C6orf89: variants seen among roughly 807,000 people sequenced by gnomAD.
C6orf89 encodes the protein bombesin receptor-activated protein C6orf89.
Under a neutral mutation model 40.7 loss-of-function variants are expected in C6orf89, and 29 were observed. That is an observed-to-expected ratio of 0.71 (90% CI 0.53 to 0.97). The LOEUF is 0.97. Ranked by LOEUF, C6orf89 falls within the 50% of genes least tolerant of loss-of-function variation. C6orf89 has a pLI of 0.00. For missense variants in C6orf89, 392 were observed against 429.1 expected, an observed-to-expected ratio of 0.91 and a Z score of 0.76; for synonymous variants, 165 against 152.2, an observed-to-expected ratio of 1.08 and a Z score of -0.62.
chr6:36,914,396 C>A lies in C6orf89; in HGVS notation c.516C>A (p.Ala172=), dbSNP rs772984555. 22 of 1,614,056 alleles carry A rather than the reference C, an allele frequency of 1.4e-5. No individual in the cohort carries two copies. The highest frequency in any genetic ancestry group is 1.7e-5 in the Non-Finnish European group (20 of 1,180,042). Residue 172 remains alanine, a synonymous_variant, in exon 5 of 9, where the codon GCC becomes GCA. Transcript: ENST00000480824. The stretch of plus-strand genomic sequence containing the variant: ...TGAAGGTGATGCTCCTGGAAGACGC[C>A]CCAAGGAAATTTGAGAGGCTCCATC... ...KHLKVMLLED[A]PRKFERLHPL... is the part of the protein sequence containing the mutation.
chr6:36,894,679 T>C (rs1761356596), intron 2 of C6orf89, 76 bp downstream of exon 2: 2 of 372,760 alleles, frequency 5.4e-6, no homozygotes, highest in Admixed American at 1.3e-4. Flanking sequence ...GAAACCTTTC[T>C]GAGCCTTGAA....
At chr6:36,885,146 A>T (rs569317625), upstream of C6orf89, among the ~76,000 whole-genome samples, 2 of 152,244 alleles carry the variant, frequency 1.3e-5, no homozygotes, top group Non-Finnish European at 2.9e-5. Context: ...AACATAGCTT[A>T]ATAGTCAAAC....
intron 4 of C6orf89, among the ~76,000 whole-genome samples, chr6:36,908,025 G>A (rs952284400): frequency 3.9e-5 from 6 of 152,170 alleles, no homozygotes; most frequent in Non-Finnish European, 5.9e-5. Flanking sequence ...ATCTCTTTCT[G>A]TTGTCAGGGA....
intron 4 of C6orf89, among the ~76,000 whole-genome samples, chr6:36,903,328 A>AAT (rs1254955120): frequency 1.3e-5 from 2 of 152,200 alleles, no homozygotes; most frequent in Admixed American, 1.3e-4. Context: ...AATGTAGAAT[A>AAT]ATATGTGTAT....
rs890096644 is a variant in C6orf89 at position 36,923,683 on chromosome 6, A to G, written c.*242A>G. 41 of 514,894 alleles carry G rather than the reference A, an allele frequency of 8.0e-5. No individual in the cohort carries two copies. In the Middle Eastern group the frequency reaches 1.3e-3, roughly 16 times the overall value. The allele number at this position is 514,894 out of a possible 1,614,324, so 31.9% of individuals were successfully genotyped here. The stretch of plus-strand genomic sequence containing the variant: ...GCCACTTGGCTAGGACTCTGCCAGC[A>G]CCCATCTGAGACTGACCTCTTCCGG... On this transcript the variant is annotated 3_prime_UTR_variant, in exon 9 of 9. Transcript: ENST00000480824.
At chr6:36,906,568 A>G (rs1156585570) in intron 4 of C6orf89, among the ~76,000 whole-genome samples, 1 of 152,124 alleles carries the variant, frequency 6.6e-6, no homozygotes, top group Admixed American at 6.5e-5. Flanking sequence ...ACAAGTGAGA[A>G]CTCATGAAAA....
At chr6:36,883,843 G>A (rs574718746), upstream of C6orf89, among the ~76,000 whole-genome samples, 13 of 152,272 alleles carry the variant, frequency 8.5e-5, no homozygotes, top group African/African-American at 2.6e-4. Flanking sequence ...AAAGGCTATC[G>A]TTACACAACA....
chr6:36,913,348 G>A (rs962413884), intron 4 of C6orf89, among the ~76,000 whole-genome samples: 2 of 152,200 alleles, frequency 1.3e-5, no homozygotes, highest in Non-Finnish European at 2.9e-5. Flanking sequence ...ATAGAGGGCT[G>A]TCTTATGGAC....
rs375178910 is a variant in C6orf89, at chr6:36,914,595, G to A, written c.597G>A (p.Leu199=). 9.9e-6 allele frequency: 16 copies of A among 1,614,100 alleles called. No homozygotes were observed. The East Asian group carries it at 3.1e-4, about 31-fold the overall frequency. The change falls in exon 6 of 9, where the codon TTG becomes TTA. Residue 199 remains leucine (L), a synonymous_variant. Coordinates refer to ENST00000480824, the MANE Select transcript of C6orf89 (RefSeq NM_001286635.2). ...PLLEEEIQHF[L]CQYPEATEGF... ...TGGAGGAAGAGATTCAGCATTTTTT[G>A]TGCCAGTACCCTGAGGCGACAGAAG...
At chr6:36,874,317 C>T (rs1774587775) in intron 1 of C6orf89, among the ~76,000 whole-genome samples, 1 of 152,222 alleles carries the variant, frequency 6.6e-6, no homozygotes, top group African/African-American at 2.4e-5. Context: ...TTACTTATCA[C>T]GTAATGTTTA....
At chr6:36,897,640 C>T (rs1249601654) in intron 2 of C6orf89, among the ~76,000 whole-genome samples, 1 of 152,186 alleles carries the variant, frequency 6.6e-6, no homozygotes. Flanking sequence ...AGTTGATGCC[C>T]AGGTATGAGC....
chr6:36,886,935 A>C (rs1161418670), intron 1 of C6orf89, among the ~76,000 whole-genome samples: 1 of 152,202 alleles, frequency 6.6e-6, no homozygotes, highest in African/African-American at 2.4e-5. Context: ...CAACTTGCAT[A>C]CCAGAAAGAG....
chr6:36,893,237 A>AT lies in C6orf89; in HGVS notation c.-119-1254dup, dbSNP rs560760532. The stretch of plus-strand genomic sequence containing the variant: ...GCGTGAGCCACCGCGCCCGGCCTTG[A>AT]TTTTTTTTTTTTTAAGGGATGAGTT... On this transcript the variant is annotated intron_variant, in intron 1 of 8. Coordinates refer to ENST00000480824, the MANE Select transcript of C6orf89 (RefSeq NM_001286635.2). Among the ~76,000 whole-genome samples, 125 of 144,612 alleles carry AT rather than the reference A, an allele frequency of 8.6e-4. 1 individual carries two copies. Among genetic ancestry groups the AT allele is most frequent in the Admixed American group, 2.6e-3 (37 of 14,470 alleles). The allele number at this position is 144,612 out of a possible 152,430, so 94.9% of individuals were successfully genotyped here.
Position 36,923,601 on chromosome 6 carries a change from G to T in C6orf89, c.*160G>T. The T allele has an allele frequency of 1.4e-6, 1 of 690,434 alleles. No individual in the cohort carries two copies. Among genetic ancestry groups the T allele is most frequent in the South Asian group, 1.5e-5 (1 of 66,100 alleles). The allele number at this position is 690,434 out of a possible 1,614,324, so 42.8% of individuals were successfully genotyped here. A position where few individuals can be genotyped will look rare whatever the true frequency, so the allele number is the denominator to read the frequency against. On this transcript the variant is annotated 3_prime_UTR_variant, in exon 9 of 9. Transcript: ENST00000480824. ...ACCAGCTGTGAGCTGCAAGGCAGTG[G>T]CCAGAGCCTCGCCCTCCTGACTCTT...
At chr6:36,921,282 A>G (rs908285624) in intron 8 of C6orf89, among the ~76,000 whole-genome samples, 2 of 152,172 alleles carry the variant, frequency 1.3e-5, no homozygotes, top group Non-Finnish European at 2.9e-5. Context: ...AATAGACATG[A>G]TGGCTGTCAC....
chr6:36,874,908 G>A (rs1774610245), intron 1 of C6orf89: 6 of 960,456 alleles, frequency 6.2e-6, no homozygotes, highest in Non-Finnish European at 8.0e-6. Context: ...AGACAAGGAA[G>A]AGGACGGTCC....
intron 2 of C6orf89, among the ~76,000 whole-genome samples, chr6:36,880,443 G>A (rs550336434): frequency 6.6e-6 from 1 of 152,166 alleles, no homozygotes; most frequent in Non-Finnish European, 1.5e-5. Flanking sequence ...TATGTATTGT[G>A]TGTAATGTTT....
chr6:36,897,939 A>G (rs1248865149), intron 2 of C6orf89, among the ~76,000 whole-genome samples: 1 of 152,200 alleles, frequency 6.6e-6, no homozygotes, highest in East Asian at 1.9e-4. Flanking sequence ...GACCCTCTGT[A>G]TTGAAAATAA....
chr6:36,912,394 C>G (rs116559574), intron 4 of C6orf89, among the ~76,000 whole-genome samples: 3,430 of 152,298 alleles, frequency 0.023, 132 homozygotes, highest in African/African-American at 0.077. Context: ...CTTCCCCTTC[C>G]ATCGCAAGTA....
Sources: gnomAD v4.1 joint callset for allele counts (sites outside exome capture counted in the v4.1 genomes callset) on GRCh38, gnomAD v4.1.1 for gene constraint, MANE v1.5 for transcripts, NCBI Gene and HGNC (gene_info 2026-07-23, HGNC 2026-07-21) for gene names.